EXOC6B: variants seen among roughly 807,000 people sequenced by gnomAD.
EXOC6B encodes SEC15 homolog B.
A neutral mutation model predicts 113.5 loss-of-function variants in EXOC6B; 54 were observed. That is an observed-to-expected ratio of 0.48 (90% CI 0.38 to 0.60). EXOC6B has a LOEUF of 0.60. EXOC6B is among the 20% of genes least tolerant of loss of function. The pLI, the probability that EXOC6B is intolerant of heterozygous loss-of-function variation, is 0.00. For synonymous variants in EXOC6B, 357 were observed against 339.0 expected (o/e 1.05, Z -0.58); for missense variants, 797 against 977.5 (o/e 0.82, Z 2.46).
intron 11 of EXOC6B, among the ~76,000 whole-genome samples, chr2:72,503,442 T>A (rs1398630424): frequency 6.6e-6 from 1 of 152,216 alleles, no homozygotes; most frequent in Admixed American, 6.5e-5. Context: ...GTTGGGATCA[T>A]ATAGTATGTA....
At chr2:72,685,622 A>C (rs578056714) in intron 6 of EXOC6B, among the ~76,000 whole-genome samples, 2 of 152,316 alleles carry the variant, frequency 1.3e-5, no homozygotes, top group Admixed American at 1.3e-4. Context: ...AATACTCACT[A>C]ACATTCTTAG....
intron 5 of EXOC6B, among the ~76,000 whole-genome samples, chr2:72,727,266 G>A (rs574664564): frequency 7.2e-5 from 11 of 152,212 alleles, no homozygotes; most frequent in South Asian, 6.2e-4. Flanking sequence ...ATTTAAACCC[G>A]TATGTTGATA....
intron 1 of EXOC6B, among the ~76,000 whole-genome samples, chr2:72,756,364 C>G (rs986275705): frequency 2.6e-5 from 4 of 152,094 alleles, no homozygotes; most frequent in African/African-American, 9.7e-5. Context: ...ACATGTGGGA[C>G]AGCTAAGTCG....
chr2:72,663,726 T>C (rs1241999539), intron 6 of EXOC6B, among the ~76,000 whole-genome samples: 1 of 152,068 alleles, frequency 6.6e-6, no homozygotes, highest in Non-Finnish European at 1.5e-5. Flanking sequence ...AGAGGTGGAA[T>C]ACATAGGACT....
At chr2:72,640,876 G>T (rs1673174000) in intron 6 of EXOC6B, among the ~76,000 whole-genome samples, 1 of 152,016 alleles carries the variant, frequency 6.6e-6, no homozygotes, top group Admixed American at 6.6e-5. Flanking sequence ...AGACAAAGAA[G>T]GACATTACAT....
intron 5 of EXOC6B, among the ~76,000 whole-genome samples, 165 bp downstream of exon 5, chr2:72,730,842 C>G (rs1255507214): frequency 6.6e-6 from 1 of 151,470 alleles, no homozygotes; most frequent in East Asian, 1.9e-4. Context: ...ATTAGCATAC[C>G]ACTAATATAT....
chr2:72,443,745 G>A (rs749233538), intron 18 of EXOC6B, among the ~76,000 whole-genome samples: 3 of 152,132 alleles, frequency 2.0e-5, no homozygotes, highest in Non-Finnish European at 4.4e-5. Context: ...TATCTCATGA[G>A]ACTTATTCAT....
At chr2:72,553,028 G>T (rs1324587387) in intron 8 of EXOC6B, among the ~76,000 whole-genome samples, 3 of 151,440 alleles carry the variant, frequency 2.0e-5, no homozygotes, top group Non-Finnish European at 4.4e-5. Context: ...ACAATAAAAA[G>T]AATAATGAGA....
At chr2:72,638,679 C>A (rs960275594) in intron 6 of EXOC6B, among the ~76,000 whole-genome samples, 1 of 152,168 alleles carries the variant, frequency 6.6e-6, no homozygotes, top group Non-Finnish European at 1.5e-5. Context: ...TCAACCACCA[C>A]AGACACTCGA....
chr2:72,507,231 G>A (rs959381724), intron 11 of EXOC6B, among the ~76,000 whole-genome samples: 2 of 152,004 alleles, frequency 1.3e-5, no homozygotes, highest in Admixed American at 6.6e-5. Context: ...TGATGTTTGG[G>A]TTGTTCTTAT....
intron 18 of EXOC6B, among the ~76,000 whole-genome samples, chr2:72,381,064 G>T (rs575478427): frequency 6.6e-6 from 1 of 152,180 alleles, no homozygotes; most frequent in Admixed American, 6.5e-5. Context: ...CCTTAATCAT[G>T]TTCCTCCCAG....
At chr2:72,631,424 G>A (rs867314797) in intron 6 of EXOC6B, among the ~76,000 whole-genome samples, 4 of 22,366 alleles carry the variant, frequency 1.8e-4, no homozygotes, top group East Asian at 1.4e-3. Context: ...GTGTGTGTGT[G>A]TGTATATATA....
intron 20 of EXOC6B, among the ~76,000 whole-genome samples, chr2:72,298,716 A>G (rs902849365): frequency 1.3e-5 from 2 of 152,140 alleles, no homozygotes; most frequent in African/African-American, 4.8e-5. Context: ...TTGTCTGTAA[A>G]GGATTTTATT....
chr2:72,549,156 T>C (rs1703070910), intron 8 of EXOC6B, among the ~76,000 whole-genome samples: 1 of 152,074 alleles, frequency 6.6e-6, no homozygotes, highest in African/African-American at 2.4e-5. Context: ...TAAGAAAATA[T>C]GGATGATAAG....
intron 6 of EXOC6B, among the ~76,000 whole-genome samples, chr2:72,641,791 C>T (rs928112589): frequency 1.3e-5 from 2 of 152,242 alleles, no homozygotes; most frequent in Non-Finnish European, 2.9e-5. Flanking sequence ...TGTAGCCTAA[C>T]TGGGAGACAC....
intron 11 of EXOC6B, among the ~76,000 whole-genome samples, chr2:72,501,847 C>T (rs1463410963): frequency 2.0e-5 from 3 of 151,740 alleles, no homozygotes; most frequent in African/African-American, 7.3e-5. Flanking sequence ...GCAGCCTTGA[C>T]CCCCTGGGTT....
intron 18 of EXOC6B, among the ~76,000 whole-genome samples, chr2:72,399,348 A>C (rs2105150264): frequency 6.6e-6 from 1 of 152,304 alleles, no homozygotes; most frequent in South Asian, 2.1e-4. Context: ...AACTGACACA[A>C]TATAAGGATG....
chr2:72,717,832 T>C (rs966603908), intron 6 of EXOC6B, among the ~76,000 whole-genome samples: 7 of 152,180 alleles, frequency 4.6e-5, no homozygotes, highest in Non-Finnish European at 1.0e-4. Context: ...TCAAGGGAAG[T>C]ATACAAACAG....
chr2:72,572,573 A>G (rs1704582335), intron 7 of EXOC6B, among the ~76,000 whole-genome samples: 1 of 152,244 alleles, frequency 6.6e-6, no homozygotes, highest in Non-Finnish European at 1.5e-5. Flanking sequence ...ACTGCCATAC[A>G]GGGATTCTAT....
Sources: allele counts gnomAD v4.1 joint callset (sites outside exome capture counted in the v4.1 genomes callset), GRCh38; gene constraint gnomAD v4.1.1; transcripts MANE v1.5; gene names NCBI Gene and HGNC (gene_info 2026-07-23, HGNC 2026-07-21).